LRRC69: variants seen among roughly 807,000 people sequenced by gnomAD.
The protein encoded by LRRC69 is leucine-rich repeat-containing protein 69.
Under a neutral mutation model 37.8 loss-of-function variants are expected in LRRC69, and 42 were observed. That is an observed-to-expected ratio of 1.11 (90% CI 0.87 to 1.44). The LOEUF is 1.44. LRRC69 is among the 40% of genes most tolerant of loss of function. The pLI is 0.00. For missense variants in LRRC69, 357 were observed against 401.9 expected, an observed-to-expected ratio of 0.89 and a Z score of 0.96; for synonymous variants, 141 against 143.1, an observed-to-expected ratio of 0.99 and a Z score of 0.11.
intron 7 of LRRC69, among the ~76,000 whole-genome samples, chr8:91,207,274 A>G (rs1809820973): frequency 6.6e-6 from 1 of 152,192 alleles, no homozygotes; most frequent in Non-Finnish European, 1.5e-5. Context: ...TAATAATAAT[A>G]CCCATCACAC....
intron 7 of LRRC69, among the ~76,000 whole-genome samples, chr8:91,213,188 A>C (rs1809967088): frequency 6.6e-6 from 1 of 152,134 alleles, no homozygotes; most frequent in Non-Finnish European, 1.5e-5. Flanking sequence ...GGGGAAGGGA[A>C]TGCTGCTTAG....
chr8:91,127,937 A>G (rs1813748868), intron 3 of LRRC69, among the ~76,000 whole-genome samples: 1 of 152,062 alleles, frequency 6.6e-6, no homozygotes, highest in Admixed American at 6.6e-5. Flanking sequence ...CCTCTGGCCA[A>G]TGTATTATTT....
chr8:91,105,124 G>T (rs999006156), intron 1 of LRRC69, among the ~76,000 whole-genome samples: 16 of 151,878 alleles, frequency 1.1e-4, no homozygotes, highest in Non-Finnish European at 2.4e-4. Flanking sequence ...TTGCAACTAG[G>T]CTGCTTATAG....
chr8:91,171,003 C>T (rs1212269660), intron 5 of LRRC69, among the ~76,000 whole-genome samples: 1 of 148,920 alleles, frequency 6.7e-6, no homozygotes, highest in Admixed American at 6.7e-5. Context: ...ACCTACTCAT[C>T]TGACAAAGGG....
intron 4 of LRRC69, among the ~76,000 whole-genome samples, chr8:91,133,727 C>T (rs566373855): frequency 6.4e-4 from 97 of 152,086 alleles, no homozygotes; most frequent in African/African-American, 2.2e-3. Flanking sequence ...CTCCACATCC[C>T]GGGTTCAGGT....
At chr8:91,174,715 T>G (rs191504457) in intron 5 of LRRC69, among the ~76,000 whole-genome samples, 3 of 152,206 alleles carry the variant, frequency 2.0e-5, no homozygotes, top group Admixed American at 6.5e-5. Context: ...AGTTGGGAGC[T>G]TTCACATCTG....
chr8:91,178,378 T>G (rs1287019620), intron 5 of LRRC69, among the ~76,000 whole-genome samples: 1 of 152,190 alleles, frequency 6.6e-6, no homozygotes, highest in Non-Finnish European at 1.5e-5. Context: ...TTGTTCTGAG[T>G]TACCTTTTAT....
chr8:91,108,927 A>G (rs933992291), intron 1 of LRRC69, among the ~76,000 whole-genome samples: 1 of 151,900 alleles, frequency 6.6e-6, no homozygotes, highest in Non-Finnish European at 1.5e-5. Flanking sequence ...CTCCTTGGGC[A>G]TTCTGGTCTC....
intron 5 of LRRC69, among the ~76,000 whole-genome samples, chr8:91,166,982 T>A (rs1809041565): frequency 6.6e-6 from 1 of 151,730 alleles, no homozygotes; most frequent in Admixed American, 6.6e-5. Context: ...TGCTGGATAG[T>A]CACAGTTTTT....
intron 5 of LRRC69, among the ~76,000 whole-genome samples, chr8:91,180,546 A>T (rs1378788206): frequency 6.6e-6 from 1 of 152,190 alleles, no homozygotes; most frequent in East Asian, 1.9e-4. Flanking sequence ...ACTCAAGGGG[A>T]GGAGAATTAG....
intron 7 of LRRC69, among the ~76,000 whole-genome samples, chr8:91,203,529 A>G (rs1382723639): frequency 6.6e-6 from 1 of 151,380 alleles, no homozygotes; most frequent in Non-Finnish European, 1.5e-5. Flanking sequence ...AGTAGCTGGG[A>G]TTACAGGTGG....
In LRRC69 at chr8:91,178,938, G is replaced by A. The variant is rs1006487994; in HGVS notation, c.652-10584G>A. Among the ~76,000 whole-genome samples the A allele has an allele frequency of 6.5e-4, 99 of 152,070 alleles. 1 individual carries two copies. The highest frequency in any genetic ancestry group is 2.3e-3 in the African/African-American group (95 of 41,388). The stretch of plus-strand genomic sequence containing the variant: ...GCTTTTTCTTCTCCTGTATGATTTC[G>A]CCTTGACTTTTAAGGTTCAGATGAA... On this transcript the variant is annotated intron_variant, in intron 5 of 7. Transcript: ENST00000448384.
chr8:91,173,616 G>T (rs774759656), intron 5 of LRRC69, among the ~76,000 whole-genome samples: 2 of 152,044 alleles, frequency 1.3e-5, no homozygotes, highest in Non-Finnish European at 2.9e-5. Flanking sequence ...ATCCATCTGG[G>T]CTGCTATAAC....
exon 2 of LRRC69, chr8:91,124,524 TAGA>T: frequency 3.9e-6 from 6 of 1,541,870 alleles, no homozygotes; most frequent in Non-Finnish European, 5.3e-6. Flanking sequence ...AACAACCTTT[TAGA>T]AGAAGTTCCG....
intron 6 of LRRC69, among the ~76,000 whole-genome samples, chr8:91,191,041 A>ACCCCC (rs58095353): frequency 6.1e-5 from 7 of 114,484 alleles, no homozygotes; most frequent in African/African-American, 2.2e-4. Context: ...CCTGTCTCAA[A>ACCCCC]CCCCCCCCCC....
chr8:91,192,904 G>A (rs1809525802), intron 6 of LRRC69, among the ~76,000 whole-genome samples: 1 of 152,078 alleles, frequency 6.6e-6, no homozygotes, highest in South Asian at 2.1e-4. Context: ...TGGTGTTTTA[G>A]ACATGAAGTC....
At position 91,157,576 on chromosome 8, in the gene LRRC69, A is replaced by G; in HGVS notation, c.651+21837A>G. 2.6e-6 allele frequency: 4 copies of G among 1,538,436 alleles called. No individual in the cohort carries two copies. In the Admixed American group the frequency reaches 6.9e-5, roughly 27 times the overall value. On this transcript the variant is annotated intron_variant, in intron 5 of 7. Transcript: ENST00000448384. ...TTTACTCCTGGAAGATAATATCAGA[A>G]TGTTTACAACTGCACCTGATCAGGT... is the stretch of plus-strand genomic sequence containing the variant.
At chr8:91,193,690 A>G (rs1324167906) in intron 6 of LRRC69, among the ~76,000 whole-genome samples, 1 of 107,786 alleles carries the variant, frequency 9.3e-6, no homozygotes, top group Non-Finnish European at 1.9e-5. Context: ...ATTTTTGTAC[A>G]TTGATTTTGT....
At chr8:91,189,408 T>C in intron 5 of LRRC69, 114 bp from the exon 6 acceptor site, 1 of 704,558 alleles carries the variant, frequency 1.4e-6, no homozygotes, top group Admixed American at 2.8e-5. Flanking sequence ...TAGTATTTAC[T>C]GTGGATTTTT....
Sources: allele counts gnomAD v4.1 joint callset (sites outside exome capture counted in the v4.1 genomes callset), GRCh38; gene constraint gnomAD v4.1.1; transcripts MANE v1.5; gene names NCBI Gene and HGNC (gene_info 2026-07-23, HGNC 2026-07-21).